Variants in ANKH observed in about 807,000 individuals in gnomAD.
The protein encoded by ANKH is mineralization regulator ANKH.
Under a neutral mutation model 49.0 loss-of-function variants are expected in ANKH, and 15 were observed. The observed-to-expected ratio is 0.31, with a 90% CI of 0.20 to 0.47. The LOEUF (loss-of-function observed/expected upper bound fraction) is 0.47, where lower values mean the gene tolerates loss of function less well. ANKH is among the 20% of genes least tolerant of loss of function. The pLI is 1.00. For synonymous variants in ANKH, 273 were observed against 260.0 expected (o/e 1.05, Z -0.48); for missense variants, 429 against 652.0 (o/e 0.66, Z 3.72).
At chr5:14,819,902 C>CAA (rs1272823271) in intron 1 of ANKH, among the ~76,000 whole-genome samples, 1 of 29,510 alleles carries the variant, frequency 3.4e-5, no homozygotes, top group Non-Finnish European at 6.8e-5. Flanking sequence ...CAAAAATATA[C>CAA]ACACACACAC....
intron 1 of ANKH, chr5:14,826,118 T>C (rs578034389): frequency 1.3e-5 from 2 of 153,924 alleles, no homozygotes; most frequent in Admixed American, 1.3e-4. Context: ...CTAATAACCA[T>C]AGCATGTTTC....
At chr5:14,727,869 A>G (rs1737870074) in intron 8 of ANKH, among the ~76,000 whole-genome samples, 1 of 152,092 alleles carries the variant, frequency 6.6e-6, no homozygotes, top group Admixed American at 6.5e-5. Context: ...GTATTTTTCT[A>G]CAATTAAAAA....
intron 7 of ANKH, among the ~76,000 whole-genome samples, chr5:14,743,677 C>G (rs1318997963): frequency 3.3e-5 from 5 of 152,158 alleles, no homozygotes; most frequent in Non-Finnish European, 7.3e-5. Context: ...TATGGAGGTG[C>G]CTAAGATTTT....
rs189860383 is a variant in ANKH at position 14,707,959 on chromosome 5, A to G, written c.*3238T>C. 3 of 152,336 alleles carry G rather than the reference A, an allele frequency of 2.0e-5. No homozygotes were observed. The highest frequency in any genetic ancestry group is 7.2e-5 in the African/African-American group (3 of 41,576). 9.4% of individuals were successfully genotyped at this position (152,336 alleles called of 1,614,324 possible). On this transcript the variant is annotated 3_prime_UTR_variant, in exon 12 of 12. Transcript: ENST00000284268. ...GCAAACAAGTGGCCTTCTGTGCCCC[A>G]TTTAAAGAATCCCAAACGGGAGAGT...
intron 1 of ANKH, among the ~76,000 whole-genome samples, chr5:14,803,416 ACTACAGGCACG>A (rs1355251756): frequency 6.6e-6 from 1 of 152,020 alleles, no homozygotes; most frequent in Non-Finnish European, 1.5e-5. Flanking sequence ...AGTAGCTGGG[ACTACAGGCACG>A]CACCACCACT....
chr5:14,764,077 A>AAAATAAATCAATAAATAAATAAAT (rs1739180557), intron 2 of ANKH, among the ~76,000 whole-genome samples: 1 of 146,866 alleles, frequency 6.8e-6, no homozygotes, highest in Non-Finnish European at 1.5e-5. Flanking sequence ...GACAGAACGG[A>AAAATAAATCAATAAATAAATAAAT]AAATAAATAA....
At chr5:14,811,762 A>G (rs1740890162) in intron 1 of ANKH, among the ~76,000 whole-genome samples, 1 of 152,242 alleles carries the variant, frequency 6.6e-6, no homozygotes, top group South Asian at 2.1e-4. Context: ...CTACTAAAAA[A>G]ATTTCTGAGC....
Position 14,745,751 on chromosome 5 carries a change from T to G in ANKH, c.915+119A>C. On this transcript the variant is annotated intron_variant, in intron 7 of 11. Coordinates refer to ENST00000284268, the MANE Select transcript of ANKH (RefSeq NM_054027.6). The surrounding 1 kb of genome is among the most constrained non-coding windows in gnomAD (Gnocchi z 4.7). Reference sequence around the variant, plus strand: ...TCCTTCAATGCCCCCAACGTCACATTAACCTTACAAAGGGAAGCAGGACTG... The same window carrying G: ...TCCTTCAATGCCCCCAACGTCACATGAACCTTACAAAGGGAAGCAGGACTG... 2 of 885,286 alleles carry G rather than the reference T, an allele frequency of 2.3e-6. No homozygotes were observed. Among genetic ancestry groups the G allele is most frequent in the South Asian group, 2.8e-5 (2 of 71,612 alleles). 54.8% of individuals were successfully genotyped at this position (885,286 alleles called of 1,614,324 possible).
intron 1 of ANKH, among the ~76,000 whole-genome samples, chr5:14,787,553 A>G (rs1454562348): frequency 6.6e-6 from 1 of 152,174 alleles, no homozygotes; most frequent in African/African-American, 2.4e-5. Context: ...TATTAACTTG[A>G]TACATTTCTG....
intron 1 of ANKH, among the ~76,000 whole-genome samples, chr5:14,818,464 A>G (rs1741102810): frequency 6.6e-6 from 1 of 151,878 alleles, no homozygotes; most frequent in Non-Finnish European, 1.5e-5. Context: ...CAACATGGTG[A>G]ACCCCTATCT....
chr5:14,746,105 ACAGGACGGCC>A (rs1313688674), intron 6 of ANKH, 143 bp from the exon 7 acceptor site: 14 of 728,598 alleles, frequency 1.9e-5, no homozygotes, highest in South Asian at 1.6e-4. Context: ...TCAGGCAAGC[ACAGGACGGCC>A]CAGGACGGGG....
intron 1 of ANKH, among the ~76,000 whole-genome samples, chr5:14,829,784 T>C (rs1339987428): frequency 6.6e-6 from 1 of 152,170 alleles, no homozygotes; most frequent in Non-Finnish European, 1.5e-5. Context: ...GTCCTCCCCA[T>C]CCTCAGGATA....
chr5:14,751,132 C>A lies in ANKH; in HGVS notation c.624G>T (p.Leu208=). 2 of 1,614,246 alleles carry A rather than the reference C, an allele frequency of 1.2e-6. No individual in the cohort carries two copies. Among genetic ancestry groups the A allele is most frequent in the African/African-American group, 2.7e-5 (2 of 75,060 alleles). The stretch of plus-strand genomic sequence containing the variant: ...GAATGTTCTTGTAGTAGCCCAGGCA[C>A]AGGGTGGTGCAGCGCACAAGTGCGC... The part of the protein sequence containing the change: ...YMGALVRCTT[L]CLGYYKNIHD... Residue 208 remains leucine (L), a synonymous_variant, in exon 5 of 12, where the codon CTG becomes CTT. Coordinates refer to ENST00000284268, the MANE Select transcript of ANKH (RefSeq NM_054027.6).
intron 1 of ANKH, among the ~76,000 whole-genome samples, chr5:14,804,609 T>C (rs994986667): frequency 1.3e-5 from 2 of 152,266 alleles, no homozygotes; most frequent in Non-Finnish European, 2.9e-5. Flanking sequence ...AAAACTGTTG[T>C]TGGAGTCTCA....
intron 1 of ANKH, among the ~76,000 whole-genome samples, chr5:14,829,484 A>T (rs1265482153): frequency 6.6e-6 from 1 of 152,206 alleles, no homozygotes; most frequent in Non-Finnish European, 1.5e-5. Flanking sequence ...ACAGGTTCTG[A>T]GATATGAAAG....
intron 8 of ANKH, among the ~76,000 whole-genome samples, chr5:14,728,151 C>G (rs997264496): frequency 2.0e-5 from 3 of 152,268 alleles, no homozygotes; most frequent in African/African-American, 7.2e-5. Flanking sequence ...GGAAGGAAGT[C>G]ACTCACTATG....
At position 14,826,333 on chromosome 5, in the gene ANKH, G is replaced by A. The variant is rs375857777; in HGVS notation, c.96+45019C>T. On this transcript the variant is annotated intron_variant, in intron 1 of 11. Transcript: ENST00000284268. ...TTGGTCTCCCAAAAAAGAAAACAGAGTTGGTGACTAAGTTATCTCTCTACC... is the reference window on the plus strand; with the variant it reads ...TTGGTCTCCCAAAAAAGAAAACAGAATTGGTGACTAAGTTATCTCTCTACC... 1.1e-4 allele frequency among the ~76,000 whole-genome samples: 17 copies of A among 152,320 alleles called. No individual in the cohort carries two copies. The East Asian group carries it at 2.3e-3, about 21-fold the overall frequency.
At chr5:14,856,978 C>G (rs1375617579) in intron 1 of ANKH, among the ~76,000 whole-genome samples, 1 of 151,472 alleles carries the variant, frequency 6.6e-6, no homozygotes, top group African/African-American at 2.5e-5. Context: ...AGCAAAACTT[C>G]CTGAGCACCA....
rs962081232 is a variant in ANKH at position 14,829,137 on chromosome 5, A to C, written c.96+42215T>G. 2.2e-4 allele frequency among the ~76,000 whole-genome samples: 32 copies of C among 144,546 alleles called. 1 individual carries two copies. Among genetic ancestry groups the C allele is most frequent in the South Asian group, 2.2e-4 (1 of 4,524 alleles). 94.8% of individuals were successfully genotyped at this position (144,546 alleles called of 152,430 possible). A position where few individuals can be genotyped will look rare whatever the true frequency, so the allele number is the denominator to read the frequency against. ...AGGTAGAGCTTGCAGTGAGCCCAAG[A>C]CTGCGCCTTTGCACTCCAGCCTGGG... On this transcript the variant is annotated intron_variant, in intron 1 of 11. Coordinates refer to ENST00000284268, the MANE Select transcript of ANKH (RefSeq NM_054027.6).
Sources: gnomAD v4.1 joint callset for allele counts (sites outside exome capture counted in the v4.1 genomes callset) on GRCh38, gnomAD v4.1.1 for gene constraint, Gnocchi (gnomAD v3.1) non-coding constraint, MANE v1.5 for transcripts, NCBI Gene and HGNC (gene_info 2026-07-23, HGNC 2026-07-21) for gene names.